MYO7A: variants seen among roughly 807,000 people sequenced by gnomAD.
MYO7A encodes myosin VIIA.
MYO7A carries 210 observed loss-of-function variants against 263.8 expected under a neutral mutation model. The observed-to-expected ratio is 0.80, with a 90% confidence interval of 0.71 to 0.89. The LOEUF is 0.89. MYO7A is among the 40% of genes least tolerant of loss of function. MYO7A has a pLI of 0.00. For synonymous variants in MYO7A, 1,239 were observed against 1,197.3 expected, an observed-to-expected ratio of 1.03 and a Z score of -0.72; for missense variants, 2,820 against 2,968.3, an observed-to-expected ratio of 0.95 and a Z score of 1.16.
chr11:77,210,163 T>C (rs949269272), intron 44 of MYO7A, among the ~76,000 whole-genome samples: 1 of 152,220 alleles, frequency 6.6e-6, no homozygotes, highest in African/African-American at 2.4e-5. Context: ...TATATATCTG[T>C]TTGGTATGAT....
intron 42 of MYO7A, among the ~76,000 whole-genome samples, chr11:77,207,760 C>A (rs1183949506): frequency 1.3e-5 from 2 of 152,212 alleles, no homozygotes; most frequent in Non-Finnish European, 2.9e-5. Context: ...GTGTGATCAT[C>A]CCCACTTGAT....
chr11:77,190,799 A>G lies in MYO7A; in HGVS notation c.3853A>G (p.Asn1285Asp). The G allele has an allele frequency of 1.3e-6, 2 of 1,592,958 alleles. No individual in the cohort carries two copies. The highest frequency in any genetic ancestry group is 1.1e-5 in the South Asian group (1 of 87,234). The change falls in exon 30 of 49, where the codon AAC becomes GAC. Residue 1285 changes from asparagine (N) to aspartate (D), a missense_variant. Coordinates refer to ENST00000409709, the MANE Select transcript of MYO7A (RefSeq NM_000260.4). ...DSATTAKELC[N>D]ALADKISLKD... Reference sequence around the variant, plus strand: ...GGCAACCACGGCCAAGGAGCTCTGCAACGCGCTGGCCGACAAGATCTCTCT... The same window carrying G: ...GGCAACCACGGCCAAGGAGCTCTGCGACGCGCTGGCCGACAAGATCTCTCT...
rs1555082994 is a variant in MYO7A, at chr11:77,179,936, C to A, written c.2569C>A (p.Gln857Lys). 6.5e-7 allele frequency: 1 copy of A among 1,529,720 alleles called. No homozygotes were observed. Among genetic ancestry groups the A allele is most frequent in the Admixed American group, 2.0e-5 (1 of 50,776 alleles). The allele number at this position is 1,529,720 out of a possible 1,614,324, so 94.8% of individuals were successfully genotyped here. A position where few individuals can be genotyped will look rare whatever the true frequency, so the allele number is the denominator to read the frequency against. The change falls in exon 21 of 49, where the codon CAA (glutamine) becomes AAA (lysine). Residue 857 changes from glutamine (Q) to lysine (K), a missense_variant. Coordinates refer to ENST00000409709, the MANE Select transcript of MYO7A (RefSeq NM_000260.4). ...ARGMIARRLH[Q>K]RLRAEYLWRL... ...GGGCATGATCGCCCGCAGGCTGCACCAACGCCTCAGGGCTGAGGTGAGGGA... is the reference window on the plus strand; with the variant it reads ...GGGCATGATCGCCCGCAGGCTGCACAAACGCCTCAGGGCTGAGGTGAGGGA...
At chr11:77,156,225 T>A in intron 5 of MYO7A, 134 bp downstream of exon 5, 1 of 924,192 alleles carries the variant, frequency 1.1e-6, no homozygotes. Flanking sequence ...CAGACCTATG[T>A]ACTCTGTGCT....
At chr11:77,185,022 G>GTATATATATTTTGGTT in intron 27 of MYO7A, 1 of 538,288 alleles carries the variant, frequency 1.9e-6, no homozygotes, top group Non-Finnish European at 3.4e-6. Context: ...GCATATAAAA[G>GTATATATATTTTGGTT]TCATATTTAT....
chr11:77,192,138 C>T lies in MYO7A; in HGVS notation c.4012C>T (p.Arg1338Cys), dbSNP rs373331911. Residue 1338 changes from arginine (R) to cysteine (C), a missense_variant, in exon 31 of 49, where the codon CGC (arginine) becomes TGC (cysteine). Physicochemically the swap from Arg to Cys is radical, Grantham distance 180. Coordinates refer to ENST00000409709, the MANE Select transcript of MYO7A (RefSeq NM_000260.4). ...QYAKEQGAQERNAPWRLFFRK... is the reference protein window; with the variant it reads ...QYAKEQGAQECNAPWRLFFRK... Reference sequence around the variant, plus strand: ...CGCCAAGGAGCAGGGCGCCCAGGAGCGCAACGCCCCCTGGAGGCTCTTCTT... The same window carrying T: ...CGCCAAGGAGCAGGGCGCCCAGGAGTGCAACGCCCCCTGGAGGCTCTTCTT... 40 of 1,613,974 alleles carry T rather than the reference C, an allele frequency of 2.5e-5. No homozygotes were observed. The African/African-American group carries it at 2.5e-4, about 10-fold the overall frequency.
chr11:77,184,876 C>T (rs1555087558), intron 27 of MYO7A, 161 bp downstream of exon 27: 1 of 1,226,306 alleles, frequency 8.2e-7, no homozygotes, highest in East Asian at 2.5e-5. Flanking sequence ...TTTCATCTTT[C>T]TAAGCCTCTG....
intron 2 of MYO7A, among the ~76,000 whole-genome samples, chr11:77,141,333 C>T (rs1951194734): frequency 1.3e-5 from 2 of 152,174 alleles, no homozygotes; most frequent in Non-Finnish European, 2.9e-5. Context: ...GAGAGGTCAG[C>T]GACTCACCCA....
Position 77,204,185 on chromosome 11 carries a change from G to T in MYO7A, c.5436G>T (p.Glu1812Asp). Residue 1812 changes from glutamate (E) to aspartate (D), a missense_variant, in exon 39 of 49, where the codon GAG becomes GAT. Transcript: ENST00000409709. ...GPLKAEPLKD[E>D]AYVQILKQLT... ...TGAAAGCCGAGCCCCTGAAGGACGA[G>T]GCATATGTGCAGATCCTGAAGCAGC... is the stretch of plus-strand genomic sequence containing the variant. The T allele has an allele frequency of 1.3e-6, 2 of 1,585,836 alleles. No individual in the cohort carries two copies. Among genetic ancestry groups the T allele is most frequent in the South Asian group, 1.2e-5 (1 of 86,348 alleles).
At chr11:77,154,780 A>G (rs2135210281) in intron 4 of MYO7A, among the ~76,000 whole-genome samples, 1 of 152,170 alleles carries the variant, frequency 6.6e-6, no homozygotes, top group East Asian at 1.9e-4. Context: ...AGAGAAGGGC[A>G]GTTTCTGGCC....
At position 77,138,201 on chromosome 11, in the gene MYO7A, C is replaced by T. The variant is rs1196712513; in HGVS notation, c.19-4508C>T. Reference sequence around the variant, plus strand: ...GCGGGCGTCACCTAAGCCGCCGTTGCCATGGGCCCGCAGCAGATGGCCCGG... The same window carrying T: ...GCGGGCGTCACCTAAGCCGCCGTTGTCATGGGCCCGCAGCAGATGGCCCGG... On this transcript the variant is annotated intron_variant, in intron 2 of 48. Transcript: ENST00000409709. The surrounding 1 kb of genome is among the most constrained non-coding windows in gnomAD (Gnocchi z 4.9). 6.6e-6 allele frequency among the ~76,000 whole-genome samples: 1 copy of T among 151,972 alleles called. No homozygotes were observed. Among genetic ancestry groups the T allele is most frequent in the Non-Finnish European group, 1.5e-5 (1 of 67,952 alleles).
rs1191341546 is a variant in MYO7A at position 77,147,839 on chromosome 11, T to C, written c.174T>C (p.Pro58=). ...CGCAGAACGCAACGCACATCAAGCC[T>C]ATGCACCCCACGTCGGTCCACGGCG... The part of the protein sequence containing the change: ...ISPQNATHIK[P]MHPTSVHGVE... The change falls in exon 4 of 49, where the codon CCT becomes CCC. Residue 58 remains proline, a synonymous_variant. Transcript: ENST00000409709. The C allele has an allele frequency of 1.2e-6, 2 of 1,610,376 alleles. No homozygotes were observed. The highest frequency in any genetic ancestry group is 8.5e-7 in the Non-Finnish European group (1 of 1,178,890).
At position 77,160,284 on chromosome 11, in the gene MYO7A, T is replaced by C. The variant is rs1555067689; in HGVS notation, c.1200+2T>C. ...GACGTGCGCGACGCCTTCGTAAAGGTGGGCTGGAGGGAAGGGGCCGCTTGC... is the reference window on the plus strand; with the variant it reads ...GACGTGCGCGACGCCTTCGTAAAGGCGGGCTGGAGGGAAGGGGCCGCTTGC... On this transcript the variant is annotated splice_donor_variant, in intron 11 of 48. Coordinates refer to ENST00000409709, the MANE Select transcript of MYO7A (RefSeq NM_000260.4). LOFTEE classifies it high-confidence loss of function. 2 of 1,557,128 alleles carry C rather than the reference T, an allele frequency of 1.3e-6. No homozygotes were observed. Among genetic ancestry groups the C allele is most frequent in the Non-Finnish European group, 1.7e-6 (2 of 1,151,354 alleles).
chr11:77,186,103 A>G (rs1468943898), intron 27 of MYO7A, among the ~76,000 whole-genome samples: 1 of 127,064 alleles, frequency 7.9e-6, no homozygotes, highest in Non-Finnish European at 1.6e-5. Context: ...TTGTATTTTT[A>G]GTAGAGACGG....
chr11:77,158,206 C>T, intron 8 of MYO7A, 71 bp from the exon 9 acceptor site: 2 of 1,450,546 alleles, frequency 1.4e-6, no homozygotes, highest in Non-Finnish European at 9.1e-7. Flanking sequence ...TTTGGGCAGG[C>T]AGCCAGGCAC....
intron 11 of MYO7A, 85 bp from the exon 12 acceptor site, chr11:77,160,888 A>G: frequency 6.7e-7 from 1 of 1,485,750 alleles, no homozygotes; most frequent in Non-Finnish European, 9.2e-7. Flanking sequence ...CAAGGGCTGG[A>G]GCGACACCAC....
rs1416344889 is a variant in MYO7A at position 77,138,765 on chromosome 11, T to C, written c.19-3944T>C. 1.3e-5 allele frequency among the ~76,000 whole-genome samples: 2 copies of C among 152,170 alleles called. No homozygotes were observed. Among genetic ancestry groups the C allele is most frequent in the Admixed American group, 6.5e-5 (1 of 15,284 alleles). ...AGTTTATGGACTGGCTGACCGCTGA[T>C]GGAAGAGAAAGCTAGGCCCACTGGT... is the stretch of plus-strand genomic sequence containing the variant. On this transcript the variant is annotated intron_variant, in intron 2 of 48. Coordinates refer to ENST00000409709, the MANE Select transcript of MYO7A (RefSeq NM_000260.4). This position sits in a 1 kb window ranked among gnomAD's most constrained non-coding sequence, Gnocchi z 4.9.
chr11:77,145,006 T>G (rs1951465458), intron 3 of MYO7A, among the ~76,000 whole-genome samples: 1 of 152,160 alleles, frequency 6.6e-6, no homozygotes, highest in Non-Finnish European at 1.5e-5. Context: ...TGGTTACACT[T>G]TGGCCCCCGG....
At chr11:77,153,078 G>A (rs1555058106) in intron 4 of MYO7A, among the ~76,000 whole-genome samples, 1 of 152,188 alleles carries the variant, frequency 6.6e-6, no homozygotes, top group East Asian at 1.9e-4. Flanking sequence ...TTTCAGCAGG[G>A]ATGATGTGGT....
Sources: allele counts gnomAD v4.1 joint callset (sites outside exome capture counted in the v4.1 genomes callset), GRCh38; gene constraint gnomAD v4.1.1; non-coding constraint Gnocchi (gnomAD v3.1); transcripts MANE v1.5; gene names NCBI Gene and HGNC (gene_info 2026-07-23, HGNC 2026-07-21).